ESR1: variants seen among roughly 807,000 people sequenced by gnomAD.
The protein encoded by ESR1 is estrogen receptor 1.
In ESR1, 12 loss-of-function variants were observed where a neutral mutation model predicts 52.7. The observed-to-expected ratio is 0.23, with a 90% CI of 0.15 to 0.37. The LOEUF is 0.37. Among genes scored for constraint, ESR1 ranks in the 10% least tolerant of loss-of-function variants. The pLI is 1.00. For missense variants in ESR1, 584 were observed against 779.7 expected, an observed-to-expected ratio of 0.75 and a Z score of 2.99; for synonymous variants, 305 against 316.8, an observed-to-expected ratio of 0.96 and a Z score of 0.39.
intron 2 of ESR1, among the ~76,000 whole-genome samples, chr6:151,850,080 T>TA (rs1554268239): frequency 1.7e-4 from 8 of 48,430 alleles, no homozygotes; most frequent in South Asian, 6.5e-4. Context: ...ATATAAAAAA[T>TA]TATATATATA....
intron 2 of ESR1, among the ~76,000 whole-genome samples, chr6:151,709,373 C>T (rs1006532017): frequency 6.6e-6 from 1 of 152,064 alleles, no homozygotes; most frequent in African/African-American, 2.4e-5. Flanking sequence ...TTTCTTTATC[C>T]ATTCATCTGT....
chr6:151,999,904 T>C (rs1344505280), intron 4 of ESR1, among the ~76,000 whole-genome samples: 1 of 152,110 alleles, frequency 6.6e-6, no homozygotes, highest in Non-Finnish European at 1.5e-5. Flanking sequence ...CTGTAGACTA[T>C]ACCAGATTTC....
intron 2 of ESR1, among the ~76,000 whole-genome samples, chr6:151,727,366 T>C (rs1218678343): frequency 6.6e-6 from 1 of 152,068 alleles, no homozygotes; most frequent in Non-Finnish European, 1.5e-5. Flanking sequence ...CACGCCCGGC[T>C]AATTTTTATA....
At chr6:151,675,428 A>T (rs933459348) in intron 1 of ESR1, among the ~76,000 whole-genome samples, 1 of 152,150 alleles carries the variant, frequency 6.6e-6, no homozygotes, top group African/African-American at 2.4e-5. Flanking sequence ...GAGCTGCTTC[A>T]TAAACCAAGA....
At chr6:152,121,666 G>A (rs9397083) in intron 6 of ESR1, 37,769 of 151,958 alleles carry the variant, frequency 0.25, 4,814 homozygotes, top group Admixed American at 0.34. Flanking sequence ...TTTGTTTAGG[G>A]AAAAAAAAGC....
chr6:151,788,287 G>T (rs1288146433), intron 2 of ESR1, among the ~76,000 whole-genome samples: 2 of 152,044 alleles, frequency 1.3e-5, no homozygotes, highest in Admixed American at 6.5e-5. Context: ...TAAAAAGCAG[G>T]CAAAGGGCAT....
chr6:152,108,134 A>G (rs1397484867), downstream of ESR1, among the ~76,000 whole-genome samples: 1 of 152,012 alleles, frequency 6.6e-6, no homozygotes, highest in Non-Finnish European at 1.5e-5. Flanking sequence ...GCCTGGGCAC[A>G]CTCTGATCTC....
chr6:151,898,894 C>T (rs1206782724), intron 3 of ESR1, among the ~76,000 whole-genome samples: 7 of 152,272 alleles, frequency 4.6e-5, no homozygotes, highest in South Asian at 2.1e-4. Context: ...CATCATGGCC[C>T]GTTCTCAATG....
intron 2 of ESR1, among the ~76,000 whole-genome samples, chr6:151,760,353 A>G (rs1562384019): frequency 6.6e-6 from 1 of 152,222 alleles, no homozygotes; most frequent in Non-Finnish European, 1.5e-5. Flanking sequence ...ACTCCATTGA[A>G]GAAAGGGTCT....
intron 6 of ESR1, among the ~76,000 whole-genome samples, chr6:152,079,455 A>C (rs2049014233): frequency 6.6e-6 from 1 of 152,210 alleles, no homozygotes; most frequent in Non-Finnish European, 1.5e-5. Context: ...ATCAACAAAA[A>C]GGACATCCAC....
chr6:151,973,387 G>A (rs1442886012), intron 4 of ESR1, among the ~76,000 whole-genome samples: 3 of 152,128 alleles, frequency 2.0e-5, no homozygotes, highest in Non-Finnish European at 4.4e-5. Flanking sequence ...ACAAGCTAAA[G>A]AATACAACTG....
intron 1 of ESR1, among the ~76,000 whole-genome samples, chr6:151,815,929 G>C (rs540411817): frequency 6.6e-6 from 1 of 152,216 alleles, no homozygotes; most frequent in African/African-American, 2.4e-5. Flanking sequence ...TGATTTTGCT[G>C]TTTAAAATGG....
At chr6:151,850,887 T>A (rs1786562296) in intron 2 of ESR1, among the ~76,000 whole-genome samples, 1 of 152,198 alleles carries the variant, frequency 6.6e-6, no homozygotes, top group Non-Finnish European at 1.5e-5. Context: ...ATGCTTGCAA[T>A]AATTTATTGT....
At chr6:151,708,092 AC>A (rs1780318177) in intron 2 of ESR1, among the ~76,000 whole-genome samples, 1 of 151,886 alleles carries the variant, frequency 6.6e-6, no homozygotes, top group Non-Finnish European at 1.5e-5. Context: ...TGCTCACACA[AC>A]CCAATATTTA....
At chr6:151,788,463 T>C (rs1787226118) in intron 2 of ESR1, among the ~76,000 whole-genome samples, 1 of 150,684 alleles carries the variant, frequency 6.6e-6, no homozygotes, top group Non-Finnish European at 1.5e-5. Context: ...TAGATGCTGG[T>C]GAAGTTGCAG....
At chr6:151,838,587 C>T (rs1448470974) in intron 1 of ESR1, among the ~76,000 whole-genome samples, 1 of 152,198 alleles carries the variant, frequency 6.6e-6, no homozygotes, top group Non-Finnish European at 1.5e-5. Context: ...AACATTATTT[C>T]AACGTGCCAC....
chr6:151,679,262 G>A (rs924419992), intron 1 of ESR1, among the ~76,000 whole-genome samples: 7 of 152,174 alleles, frequency 4.6e-5, no homozygotes, highest in African/African-American at 7.2e-5. Flanking sequence ...CTCCTCCCCC[G>A]TGTGACTCAA....
chr6:152,022,917 C>T (rs888929168), intron 5 of ESR1, among the ~76,000 whole-genome samples: 1 of 150,480 alleles, frequency 6.6e-6, no homozygotes, highest in African/African-American at 2.5e-5. Context: ...GCAGAGGTTG[C>T]AGTGAGCCAA....
chr6:151,820,032 A>C (rs1780311891), intron 1 of ESR1, among the ~76,000 whole-genome samples: 2 of 152,208 alleles, frequency 1.3e-5, no homozygotes, highest in South Asian at 4.1e-4. Flanking sequence ...GACAATGAAA[A>C]AACAGTAGAA....
Sources: gnomAD v4.1 joint callset for allele counts (sites outside exome capture counted in the v4.1 genomes callset) on GRCh38, gnomAD v4.1.1 for gene constraint, MANE v1.5 for transcripts, NCBI Gene and HGNC (gene_info 2026-07-23, HGNC 2026-07-21) for gene names.